ABCB1: variants seen among roughly 807,000 people sequenced by gnomAD.
ABCB1 encodes ATP-dependent translocase ABCB1.
In ABCB1, 69 loss-of-function variants were observed where a neutral mutation model predicts 142.0. That is an observed-to-expected ratio of 0.49 (90% CI 0.40 to 0.59). The LOEUF (loss-of-function observed/expected upper bound fraction) is 0.59. Among genes scored for constraint, ABCB1 ranks in the 20% least tolerant of loss-of-function variants. The probability of loss-of-function intolerance (pLI) is 0.00; values close to 1 mark genes in which losing one functional copy is unlikely to be tolerated. For synonymous variants in ABCB1, 532 were observed against 539.2 expected (o/e 0.99, Z 0.18); for missense variants, 1,326 against 1,554.7 (o/e 0.85, Z 2.47).
At chr7:87,614,749 T>C (rs1253461431) in intron 1 of ABCB1, among the ~76,000 whole-genome samples, 1 of 152,212 alleles carries the variant, frequency 6.6e-6, no homozygotes, top group African/African-American at 2.4e-5. Flanking sequence ...TAATATCCAG[T>C]TTAATAGCAT....
intron 2 of ABCB1, among the ~76,000 whole-genome samples, chr7:87,597,571 C>T (rs965436743): frequency 6.6e-6 from 1 of 151,970 alleles, no homozygotes; most frequent in Non-Finnish European, 1.5e-5. Flanking sequence ...TTCACATACC[C>T]TCAATATTTC....
intron 17 of ABCB1, among the ~76,000 whole-genome samples, chr7:87,543,643 A>T (rs1563043696): frequency 2.0e-5 from 3 of 152,210 alleles, no homozygotes. Context: ...ATCTTTAGGA[A>T]GCCGTTCCTA....
At chr7:87,635,855 T>C (rs1242614703) in intron 1 of ABCB1, among the ~76,000 whole-genome samples, 1 of 152,176 alleles carries the variant, frequency 6.6e-6, no homozygotes, top group African/African-American at 2.4e-5. Flanking sequence ...AGTATAGACC[T>C]TTTTGTGTTT....
At chr7:87,509,562 T>C in intron 25 of ABCB1, 81 bp from the exon 26 acceptor site, 1 of 1,426,296 alleles carries the variant, frequency 7.0e-7, no homozygotes, top group Non-Finnish European at 9.8e-7. Flanking sequence ...TTTCTTACAC[T>C]GAAACTGCCA....
chr7:87,525,957 C>G (rs1429861831), intron 21 of ABCB1, among the ~76,000 whole-genome samples: 1 of 152,186 alleles, frequency 6.6e-6, no homozygotes, highest in African/African-American at 2.4e-5. Flanking sequence ...AAGTTAAAAG[C>G]AGTCCTGAAT....
chr7:87,694,056 T>A (rs937297350), intron 1 of ABCB1: 4 of 1,558,758 alleles, frequency 2.6e-6, no homozygotes, highest in Non-Finnish European at 3.4e-6. Context: ...TCTTTTTTAG[T>A]ACATTGCATG....
chr7:87,554,238 C>A (rs988466878), intron 8 of ABCB1, among the ~76,000 whole-genome samples: 4 of 150,776 alleles, frequency 2.7e-5, no homozygotes, highest in Non-Finnish European at 5.9e-5. Context: ...GTTTCATACA[C>A]AAGACAAAGT....
In ABCB1 at chr7:87,536,392, A is replaced by C. The variant is rs151169676; in HGVS notation, c.2481+66T>G. Reference sequence around the variant, plus strand: ...GATAACTAACACCCGTAAGGAGAAAATTAGTTTCATGCTGGGGTCCAAAAT... The same window carrying C: ...GATAACTAACACCCGTAAGGAGAAACTTAGTTTCATGCTGGGGTCCAAAAT... On this transcript the variant is annotated intron_variant, in intron 20 of 27. Transcript: ENST00000622132. The C allele has an allele frequency of 2.8e-6, 4 of 1,437,026 alleles. No homozygotes were observed. The East Asian group carries it at 9.1e-5, about 33-fold the overall frequency. 89.0% of individuals were successfully genotyped at this position (1,437,026 alleles called of 1,614,324 possible).
At chr7:87,604,843 C>G (rs1028727921), upstream of ABCB1, among the ~76,000 whole-genome samples, 2 of 152,190 alleles carry the variant, frequency 1.3e-5, no homozygotes, top group Non-Finnish European at 2.9e-5. Flanking sequence ...GAACACTTCC[C>G]CATCTACTAC....
At chr7:87,514,047 A>G (rs901988102) in intron 25 of ABCB1, among the ~76,000 whole-genome samples, 1 of 152,256 alleles carries the variant, frequency 6.6e-6, no homozygotes. Context: ...TAATGATTTA[A>G]GAGTAAACTG....
chr7:87,547,388 T>C (rs1176965488), intron 14 of ABCB1, among the ~76,000 whole-genome samples: 1 of 152,200 alleles, frequency 6.6e-6, no homozygotes, highest in Non-Finnish European at 1.5e-5. Context: ...AAATTGTTTT[T>C]ATTTATAATT....
rs74904878 is a variant in ABCB1 at position 87,679,473 on chromosome 7, C to A, written c.-331+33688G>T. ...GCACAATCATGGCTCACCACAGCCTCCACATCCCCAAGCTCAAATGATTCT... is the reference window on the plus strand; with the variant it reads ...GCACAATCATGGCTCACCACAGCCTACACATCCCCAAGCTCAAATGATTCT... On this transcript the variant is annotated intron_variant, in intron 1 of 28. Coordinates refer to the ABCB1 transcript ENST00000265724. Among the ~76,000 whole-genome samples, 1,228 of 149,946 alleles carry A rather than the reference C, an allele frequency of 8.2e-3. 90 individuals are homozygous for A. Among genetic ancestry groups the A allele is most frequent in the African/African-American group, 0.029 (1,164 of 40,272 alleles).
At chr7:87,663,983 T>C (rs561293255) in intron 1 of ABCB1, among the ~76,000 whole-genome samples, 3 of 152,310 alleles carry the variant, frequency 2.0e-5, no homozygotes, top group South Asian at 2.1e-4. Flanking sequence ...TTATAGTGGC[T>C]ATCTTGAAAT....
intron 1 of ABCB1, among the ~76,000 whole-genome samples, chr7:87,685,490 C>T (rs918223976): frequency 1.3e-5 from 2 of 151,202 alleles, no homozygotes; most frequent in African/African-American, 4.8e-5. Context: ...ATACACTGGA[C>T]AAACTCAGTA....
chr7:87,704,299 A>AATT (rs1034742328), intron 1 of ABCB1, among the ~76,000 whole-genome samples: 3 of 152,170 alleles, frequency 2.0e-5, no homozygotes, highest in Non-Finnish European at 2.9e-5. Context: ...GGCTAAGGTT[A>AATT]AAGATTAGCT....
At chr7:87,541,575 G>A (rs1816539190) in intron 17 of ABCB1, 111 bp from the exon 18 acceptor site, 13 of 787,548 alleles carry the variant, frequency 1.7e-5, no homozygotes, top group Non-Finnish European at 2.4e-5. Flanking sequence ...GCCTTAGTAC[G>A]CTGGAAATTG....
At chr7:87,704,179 G>A (rs1428770029) in intron 1 of ABCB1, among the ~76,000 whole-genome samples, 4 of 151,616 alleles carry the variant, frequency 2.6e-5, no homozygotes, top group Admixed American at 6.6e-5. Flanking sequence ...CCTCAGCCTC[G>A]CAAAGTGCTG....
At chr7:87,598,875 T>C (rs1213244909) in intron 2 of ABCB1, among the ~76,000 whole-genome samples, 1 of 152,170 alleles carries the variant, frequency 6.6e-6, no homozygotes. Flanking sequence ...AGGCTCACTT[T>C]CTATTTTTCC....
chr7:87,611,545 A>T (rs1819849976), intron 1 of ABCB1, among the ~76,000 whole-genome samples: 1 of 151,628 alleles, frequency 6.6e-6, no homozygotes, highest in African/African-American at 2.4e-5. Context: ...GCTGCAAAGG[A>T]CATGATTTTT....
Sources: gnomAD v4.1 joint callset for allele counts (sites outside exome capture counted in the v4.1 genomes callset) on GRCh38, gnomAD v4.1.1 for gene constraint, MANE v1.5 for transcripts, NCBI Gene and HGNC (gene_info 2026-07-23, HGNC 2026-07-21) for gene names.